Variants in APP observed in about 807,000 individuals in gnomAD.
APP encodes the protein amyloid beta precursor protein.
A neutral mutation model predicts 101.4 loss-of-function variants in APP; 31 were observed. The ratio of observed to expected loss-of-function variants is 0.31; its 90% confidence interval spans 0.23 to 0.41. The LOEUF is 0.41. Among genes scored for constraint, APP ranks in the 10% least tolerant of loss-of-function variants. The pLI is 1.00. For missense variants in APP, 839 were observed against 1,003.7 expected, an observed-to-expected ratio of 0.84 and a Z score of 2.22; for synonymous variants, 366 against 364.4, an observed-to-expected ratio of 1.00 and a Z score of -0.05.
chr21:25,898,299 A>G (rs2038215240), intron 15 of APP, among the ~76,000 whole-genome samples: 1 of 152,246 alleles, frequency 6.6e-6, no homozygotes, highest in African/African-American at 2.4e-5. Flanking sequence ...CTTAGCAACT[A>G]ACAGAATTTA....
intron 13 of APP, among the ~76,000 whole-genome samples, chr21:25,931,205 A>G (rs1448533850): frequency 6.6e-6 from 1 of 152,188 alleles, no homozygotes; most frequent in Non-Finnish European, 1.5e-5. Context: ...TGACAAAGAA[A>G]CAAGCCTGGG....
At chr21:25,968,052 G>GT (rs1227393312) in intron 11 of APP, among the ~76,000 whole-genome samples, 2 of 152,158 alleles carry the variant, frequency 1.3e-5, no homozygotes, top group African/African-American at 4.8e-5. Context: ...CAGAGTAAGA[G>GT]TTTTTTCTGA....
intron 5 of APP, among the ~76,000 whole-genome samples, chr21:26,024,253 G>C (rs775394937): frequency 1.4e-4 from 21 of 151,560 alleles, no homozygotes; most frequent in Non-Finnish European, 2.9e-4. Flanking sequence ...GTCTATTCGA[G>C]AAGTACCATA....
At chr21:26,056,166 T>C (rs2046032670) in intron 3 of APP, among the ~76,000 whole-genome samples, 1 of 152,056 alleles carries the variant, frequency 6.6e-6, no homozygotes, top group African/African-American at 2.4e-5. Context: ...GCCTCCTGAG[T>C]AGCTGGGACT....
At chr21:25,885,856 G>A (rs1259886682) in intron 17 of APP, among the ~76,000 whole-genome samples, 1 of 152,180 alleles carries the variant, frequency 6.6e-6, no homozygotes, top group African/African-American at 2.4e-5. Flanking sequence ...GTAATTTAGA[G>A]CTCAGCTATC....
chr21:25,897,745 C>CA, intron 15 of APP, 72 bp from the exon 16 acceptor site: 1 of 1,330,636 alleles, frequency 7.5e-7, no homozygotes. Context: ...CACTGTAAGA[C>CA]AAAGCCTACC....
At position 26,058,809 on chromosome 21, in the gene APP, C is replaced by T. The variant is rs45593633; in HGVS notation, c.356-5461G>A. 3.2e-3 allele frequency among the ~76,000 whole-genome samples: 488 copies of T among 152,196 alleles called. 12 individuals are homozygous for T. Among genetic ancestry groups the T allele is most frequent in the Admixed American group, 0.025 (383 of 15,288 alleles). On this transcript the variant is annotated intron_variant, in intron 3 of 17. Coordinates refer to ENST00000346798, the MANE Select transcript of APP (RefSeq NM_000484.4). Reference sequence around the variant, plus strand: ...TAAAATAAAGACATTAGGCCGGGCGCGGTGGCTCACGCCTGTAATCCCAGC... The same window carrying T: ...TAAAATAAAGACATTAGGCCGGGCGTGGTGGCTCACGCCTGTAATCCCAGC...
intron 17 of APP, among the ~76,000 whole-genome samples, chr21:25,886,189 CAAAGA>C (rs937806246): frequency 6.6e-6 from 1 of 151,952 alleles, no homozygotes; most frequent in Non-Finnish European, 1.5e-5. Flanking sequence ...AAAATAAAAG[CAAAGA>C]AAATAGGAAG....
At chr21:26,091,149 A>G (rs1276200292) in intron 2 of APP, among the ~76,000 whole-genome samples, 1 of 152,248 alleles carries the variant, frequency 6.6e-6, no homozygotes, top group Non-Finnish European at 1.5e-5. Context: ...CAGATAAATA[A>G]CAACGAATAG....
chr21:25,983,533 C>T (rs1242626848), intron 8 of APP, among the ~76,000 whole-genome samples: 2 of 152,120 alleles, frequency 1.3e-5, no homozygotes, highest in Admixed American at 1.3e-4. Flanking sequence ...AAGTTAAATA[C>T]GTTTTCTACA....
chr21:26,083,652 T>C (rs1393430279), intron 3 of APP, among the ~76,000 whole-genome samples: 1 of 152,226 alleles, frequency 6.6e-6, no homozygotes. Context: ...AGCCTTGCTA[T>C]TCATTTTTCA....
At chr21:25,975,885 A>C (rs1357033637) in intron 10 of APP, 69 bp downstream of exon 10, 2 of 1,272,954 alleles carry the variant, frequency 1.6e-6, no homozygotes, top group Non-Finnish European at 2.3e-6. Context: ...GATAAAGGTA[A>C]ACCTGCAGAC....
chr21:25,970,623 T>C (rs1379785852), intron 11 of APP, among the ~76,000 whole-genome samples: 1 of 152,178 alleles, frequency 6.6e-6, no homozygotes, highest in Non-Finnish European at 1.5e-5. Context: ...AAATAGAAAA[T>C]GAAAACGCTA....
chr21:26,120,582 T>C (rs1024053321), intron 1 of APP, among the ~76,000 whole-genome samples: 5 of 152,202 alleles, frequency 3.3e-5, no homozygotes, highest in Non-Finnish European at 7.3e-5. Flanking sequence ...TGTAAACACA[T>C]GTACTGAAGC....
At chr21:26,166,906 A>AGAGAGAGAGAGAG (rs1569055925) in intron 1 of APP, among the ~76,000 whole-genome samples, 3 of 38,170 alleles carry the variant, frequency 7.9e-5, no homozygotes, top group African/African-American at 2.7e-4. Context: ...GAGAGAGAGA[A>AGAGAGAGAGAGAG]AGAGAGAGAA....
At chr21:25,913,610 C>G (rs959339150) in intron 13 of APP, among the ~76,000 whole-genome samples, 11 of 152,212 alleles carry the variant, frequency 7.2e-5, no homozygotes, top group Non-Finnish European at 1.3e-4. Context: ...CATACACATT[C>G]ATCTTGACAG....
At chr21:25,961,325 C>G (rs907096651) in intron 11 of APP, among the ~76,000 whole-genome samples, 1 of 152,310 alleles carries the variant, frequency 6.6e-6, no homozygotes, top group East Asian at 1.9e-4. Context: ...GTGCCCCAAC[C>G]ACTTTGGGCA....
At chr21:26,164,065 T>C (rs983039680) in intron 1 of APP, among the ~76,000 whole-genome samples, 4 of 151,896 alleles carry the variant, frequency 2.6e-5, no homozygotes, top group African/African-American at 9.7e-5. Flanking sequence ...ACCAACATAG[T>C]GAAACCCCGT....
intron 2 of APP, among the ~76,000 whole-genome samples, chr21:26,103,652 G>T (rs553629114): frequency 1.9e-4 from 29 of 152,270 alleles, no homozygotes; most frequent in African/African-American, 7.0e-4. Flanking sequence ...AATGGTCTCT[G>T]CAAAAGGAAA....
Sources: gnomAD v4.1 joint callset for allele counts (sites outside exome capture counted in the v4.1 genomes callset) on GRCh38, gnomAD v4.1.1 for gene constraint, MANE v1.5 for transcripts, NCBI Gene and HGNC (gene_info 2026-07-23, HGNC 2026-07-21) for gene names.